SLC23A2: variants seen among roughly 807,000 people sequenced by gnomAD.
SLC23A2 encodes solute carrier family 23 member 2, also known as Na(+)/L-ascorbic acid transporter 2.
A neutral mutation model predicts 73.3 loss-of-function variants in SLC23A2; 36 were observed. The observed-to-expected ratio is 0.49, with a 90% confidence interval of 0.38 to 0.65. SLC23A2 has a LOEUF of 0.65. Ranked by LOEUF, SLC23A2 falls within the 30% of genes least tolerant of loss-of-function variation. The pLI is 0.00. For missense variants in SLC23A2, 507 were observed against 841.6 expected (o/e 0.60, Z 4.92); for synonymous variants, 343 against 327.3 (o/e 1.05, Z -0.52).
At position 4,863,018 on chromosome 20, in the gene SLC23A2, ACCT is replaced by A. The variant is rs1930040988; in HGVS notation, c.1357-114_1357-112del. ...ACCCATGGCCTGGCTCGCTACCTTC[ACCT>A]CCTCCTCAGCCCACTCTTCTCACCT... On this transcript the variant is annotated intron_variant, in intron 13 of 16. Coordinates refer to ENST00000338244, the MANE Select transcript of SLC23A2 (RefSeq NM_005116.6). This position sits in a 1 kb window ranked among gnomAD's most constrained non-coding sequence, Gnocchi z 4.8. 1 of 1,046,650 alleles carries A rather than the reference ACCT, an allele frequency of 9.6e-7. No homozygotes were observed. The highest frequency in any genetic ancestry group is 1.4e-6 in the Non-Finnish European group (1 of 728,290). The allele number at this position is 1,046,650 out of a possible 1,614,324, so 64.8% of individuals were successfully genotyped here. A position where few individuals can be genotyped will look rare whatever the true frequency, so the allele number is the denominator to read the frequency against.
At position 4,857,335 on chromosome 20, in the gene SLC23A2, CAT is replaced by C. The variant is rs1449401485; in HGVS notation, c.1721-133_1721-132del. 2,842 of 526,502 alleles carry C rather than the reference CAT, an allele frequency of 5.4e-3. 21 individuals carry two copies. Among genetic ancestry groups the C allele is most frequent in the African/African-American group, 0.024 (843 of 34,656 alleles). 32.6% of individuals were successfully genotyped at this position (526,502 alleles called of 1,614,324 possible). A position where few individuals can be genotyped will look rare whatever the true frequency, so the allele number is the denominator to read the frequency against. ...ACACACACACACACACACACACACA[CAT>C]GGTCCCACAGATCAAACCTGCCTAG... On this transcript the variant is annotated intron_variant, in intron 16 of 16. Transcript: ENST00000338244. The surrounding 1 kb of genome is among the most constrained non-coding windows in gnomAD (Gnocchi z 4.0).
rs398035250 is a variant in SLC23A2, at chr20:4,857,283, T to TAC, written c.1721-81_1721-80dup. ...GAAAATGAAACTGTCGTCAAACACA[T>TAC]ACACACACACACACACACACACACA... On this transcript the variant is annotated intron_variant, in intron 16 of 16. Transcript: ENST00000338244. This position sits in a 1 kb window ranked among gnomAD's most constrained non-coding sequence, Gnocchi z 4.0. The TAC allele has an allele frequency of 0.054, 22,648 of 417,708 alleles. 546 individuals carry two copies. Among genetic ancestry groups the TAC allele is most frequent in the East Asian group, 0.083 (1,598 of 19,148 alleles). 25.9% of individuals were successfully genotyped at this position (417,708 alleles called of 1,614,324 possible). A position where few individuals can be genotyped will look rare whatever the true frequency, so the allele number is the denominator to read the frequency against.
In SLC23A2 at chr20:4,859,275, T is replaced by A; in HGVS notation, c.1720+14A>T. On this transcript the variant is annotated intron_variant, in intron 16 of 16. Coordinates refer to ENST00000338244, the MANE Select transcript of SLC23A2 (RefSeq NM_005116.6). ...ATAAAAAAAAAAAAAGTGTGTTTGA[T>A]ATATACCACGTACCTGGGATGGTGT... is the stretch of plus-strand genomic sequence containing the variant. The A allele has an allele frequency of 2.0e-6, 3 of 1,474,268 alleles. No individual in the cohort carries two copies. Among genetic ancestry groups the A allele is most frequent in the Non-Finnish European group, 2.8e-6 (3 of 1,058,092 alleles). The allele number at this position is 1,474,268 out of a possible 1,614,324, so 91.3% of individuals were successfully genotyped here.
chr20:4,950,751 T>C (rs938213403), intron 2 of SLC23A2, among the ~76,000 whole-genome samples: 2 of 151,974 alleles, frequency 1.3e-5, no homozygotes, highest in Non-Finnish European at 2.9e-5. Flanking sequence ...GAGGCTCAGA[T>C]GACAAACAGC....
chr20:4,856,863 G>A lies in SLC23A2; in HGVS notation c.*109C>T. ...ATTCGCAGTCTGTCTTAGCTCTGGG[G>A]CGCAGAATGTAAATGTAGATATACA... On this transcript the variant is annotated 3_prime_UTR_variant, in exon 17 of 17. Transcript: ENST00000338244. This position sits in a 1 kb window ranked among gnomAD's most constrained non-coding sequence, Gnocchi z 4.6. The A allele has an allele frequency of 2.8e-6, 2 of 727,240 alleles. No individual in the cohort carries two copies. Among genetic ancestry groups the A allele is most frequent in the Non-Finnish European group, 4.7e-6 (2 of 423,834 alleles). The allele number at this position is 727,240 out of a possible 1,614,324, so 45.0% of individuals were successfully genotyped here.
rs771808826 is a variant in SLC23A2, at chr20:4,932,565, A to G, written c.-3T>C. 6.7e-7 allele frequency: 1 copy of G among 1,490,498 alleles called. No homozygotes were observed. The highest frequency in any genetic ancestry group is 1.1e-5 in the South Asian group (1 of 88,564). The allele number at this position is 1,490,498 out of a possible 1,614,324, so 92.3% of individuals were successfully genotyped here. ...GTATTCTTACCAATACCCATCATTA[A>G]GAGAAACGAGTAGTTTACACAGCCG... On this transcript the variant is annotated 5_prime_UTR_variant, in exon 3 of 17. Coordinates refer to ENST00000338244, the MANE Select transcript of SLC23A2 (RefSeq NM_005116.6).
At chr20:4,966,960 T>C (rs532664759) in intron 2 of SLC23A2, among the ~76,000 whole-genome samples, 38 of 152,018 alleles carry the variant, frequency 2.5e-4, no homozygotes, top group African/African-American at 8.7e-4. Flanking sequence ...CATAACCTAA[T>C]TTTCCACACA....
chr20:4,894,026 G>A (rs1488282669), intron 6 of SLC23A2, among the ~76,000 whole-genome samples: 1 of 152,186 alleles, frequency 6.6e-6, no homozygotes, highest in African/African-American at 2.4e-5. Context: ...ACGGCTGCAG[G>A]CTGGCTAGGG....
rs574379772 is a variant in SLC23A2, at chr20:4,868,072, AT to A, written c.1251-198del. Reference sequence around the variant, plus strand: ...CCTGCTGAAGCAGAAAAGAATCTGCATTTTTTTTTTTTTTTTTTTTTTTTTT... The same window carrying A: ...CCTGCTGAAGCAGAAAAGAATCTGCATTTTTTTTTTTTTTTTTTTTTTTTT... On this transcript the variant is annotated intron_variant, in intron 12 of 16. Coordinates refer to ENST00000338244, the MANE Select transcript of SLC23A2 (RefSeq NM_005116.6). This position sits in a 1 kb window ranked among gnomAD's most constrained non-coding sequence, Gnocchi z 4.4. Among the ~76,000 whole-genome samples the A allele has an allele frequency of 0.082, 7,704 of 94,342 alleles. 335 individuals are homozygous for A. The highest frequency in any genetic ancestry group is 0.12 in the African/African-American group (2,437 of 20,566). The allele number at this position is 94,342 out of a possible 152,430, so 61.9% of individuals were successfully genotyped here. A position where few individuals can be genotyped will look rare whatever the true frequency, so the allele number is the denominator to read the frequency against.
chr20:4,888,727 T>C (rs1235435542), intron 6 of SLC23A2, among the ~76,000 whole-genome samples: 2 of 152,214 alleles, frequency 1.3e-5, no homozygotes, highest in Non-Finnish European at 2.9e-5. Context: ...AGAGAAAATA[T>C]CACCTCCTCC....
chr20:4,873,242 G>A (rs573301242), intron 11 of SLC23A2, among the ~76,000 whole-genome samples: 10 of 152,242 alleles, frequency 6.6e-5, no homozygotes, highest in Admixed American at 3.3e-4. Flanking sequence ...GAAGTGGGCT[G>A]AACCTGACTA....
At chr20:4,912,411 C>T (rs976636372) in intron 4 of SLC23A2, among the ~76,000 whole-genome samples, 6 of 152,038 alleles carry the variant, frequency 3.9e-5, no homozygotes, top group Non-Finnish European at 8.8e-5. Context: ...GTAACAGGCA[C>T]GATGCTAATA....
In SLC23A2 at chr20:4,857,328, ACACACACATG is replaced by A. The variant is rs1156313815; in HGVS notation, c.1721-134_1721-125del. On this transcript the variant is annotated intron_variant, in intron 16 of 16. Coordinates refer to ENST00000338244, the MANE Select transcript of SLC23A2 (RefSeq NM_005116.6). The surrounding 1 kb of genome is among the most constrained non-coding windows in gnomAD (Gnocchi z 4.0). ...CACACACACACACACACACACACAC[ACACACACATG>A]GTCCCACAGATCAAACCTGCCTAGA... 45 of 567,650 alleles carry A rather than the reference ACACACACATG, an allele frequency of 7.9e-5. 1 individual carries two copies. In the South Asian group the frequency reaches 8.7e-4, roughly 11 times the overall value. 35.2% of individuals were successfully genotyped at this position (567,650 alleles called of 1,614,324 possible).
In SLC23A2 at chr20:4,862,824, C is replaced by A. The variant is rs34073337; in HGVS notation, c.1440G>T (p.Ala480=). The part of the protein sequence containing the change: ...GMIGKFSALF[A]SLPDPVLGAL... Reference sequence around the variant, plus strand: ...CTCCCAGCACAGGATCCGGAAGGGACGCAAAGAGGGCGCTGAACTTCCCGA... The same window carrying A: ...CTCCCAGCACAGGATCCGGAAGGGAAGCAAAGAGGGCGCTGAACTTCCCGA... The change falls in exon 14 of 17, where the codon GCG becomes GCT. Residue 480 remains alanine (A), a synonymous_variant. Transcript: ENST00000338244. The surrounding 1 kb of genome is among the most constrained non-coding windows in gnomAD (Gnocchi z 5.1). 90,764 of 1,613,636 alleles carry A rather than the reference C, an allele frequency of 0.056. 3,089 individuals are homozygous for A. The highest frequency in any genetic ancestry group is 0.12 in the African/African-American group (8,933 of 74,970).
At position 4,883,537 on chromosome 20, in the gene SLC23A2, G is replaced by A. The variant is rs1363399996; in HGVS notation, c.824+105C>T. ...GCACGAAGCAAATAAAGTTGAAACT[G>A]TCAGACCATTCTTATTATTGAAAAA... On this transcript the variant is annotated intron_variant, in intron 9 of 16. Transcript: ENST00000338244. This position sits in a 1 kb window ranked among gnomAD's most constrained non-coding sequence, Gnocchi z 4.5. The A allele has an allele frequency of 4.6e-6, 4 of 862,770 alleles. No homozygotes were observed. 53.4% of individuals were successfully genotyped at this position (862,770 alleles called of 1,614,324 possible).
Position 4,987,021 on chromosome 20 carries a change from T to C in SLC23A2, c.-282+14385A>G, listed in dbSNP as rs34408933. On this transcript the variant is annotated intron_variant, in intron 1 of 16. Coordinates refer to ENST00000338244, the MANE Select transcript of SLC23A2 (RefSeq NM_005116.6). ...GGTGAAGTCTACTGTAGATCACATGTGGAGCTCCGCAGGGAAGGGTGTACC... is the reference window on the plus strand; with the variant it reads ...GGTGAAGTCTACTGTAGATCACATGCGGAGCTCCGCAGGGAAGGGTGTACC... Among the ~76,000 whole-genome samples, 1,279 of 152,132 alleles carry C rather than the reference T, an allele frequency of 8.4e-3. 48 individuals are homozygous for C. The South Asian group carries it at 0.14, about 16-fold the overall frequency.
intron 11 of SLC23A2, among the ~76,000 whole-genome samples, chr20:4,871,580 G>T (rs1200296524): frequency 6.6e-6 from 1 of 152,178 alleles, no homozygotes; most frequent in African/African-American, 2.4e-5. Context: ...GAAGAGAAAG[G>T]ATACAAAGTC....
intron 3 of SLC23A2, among the ~76,000 whole-genome samples, chr20:4,914,754 T>C (rs1932266992): frequency 6.6e-6 from 1 of 152,144 alleles, no homozygotes; most frequent in African/African-American, 2.4e-5. Context: ...TTAAAAATAA[T>C]AAAGCACTGG....
intron 12 of SLC23A2, chr20:4,869,003 G>C (rs1490324527): frequency 6.6e-6 from 1 of 152,180 alleles, no homozygotes; most frequent in Non-Finnish European, 1.5e-5. Flanking sequence ...ACAGACCTGG[G>C]GCATACTGCC....
Sources: gnomAD v4.1 joint callset for allele counts (sites outside exome capture counted in the v4.1 genomes callset) on GRCh38, gnomAD v4.1.1 for gene constraint, Gnocchi (gnomAD v3.1) non-coding constraint, MANE v1.5 for transcripts, NCBI Gene and HGNC (gene_info 2026-07-23, HGNC 2026-07-21) for gene names.